Variants in HIBADH observed in about 807,000 individuals in gnomAD.
HIBADH encodes 3-hydroxyisobutyrate dehydrogenase, mitochondrial.
Under a neutral mutation model 36.1 loss-of-function variants are expected in HIBADH, and 25 were observed. That is an observed-to-expected ratio of 0.69 (90% CI 0.50 to 0.97). The LOEUF is 0.97. Ranked by LOEUF, HIBADH falls within the 50% of genes least tolerant of loss-of-function variation. The probability of loss-of-function intolerance (pLI) is 0.00; values close to 1 mark genes in which losing one functional copy is unlikely to be tolerated. For synonymous variants in HIBADH, 160 were observed against 149.5 expected, an observed-to-expected ratio of 1.07 and a Z score of -0.51; for missense variants, 421 against 418.0, an observed-to-expected ratio of 1.01 and a Z score of -0.06.
intron 7 of HIBADH, among the ~76,000 whole-genome samples, chr7:27,530,495 T>C (rs1783977842): frequency 6.6e-6 from 1 of 152,084 alleles, no homozygotes; most frequent in Non-Finnish European, 1.5e-5. Flanking sequence ...GCATGAGCTA[T>C]CGCGCCTGGC....
intron 4 of HIBADH, among the ~76,000 whole-genome samples, chr7:27,564,963 C>G (rs144966431): frequency 6.6e-6 from 1 of 152,076 alleles, no homozygotes; most frequent in Non-Finnish European, 1.5e-5. Flanking sequence ...AAATCTGGGC[C>G]CTTGCTGATC....
At position 27,543,116 on chromosome 7, in the gene HIBADH, G is replaced by A; in HGVS notation, c.485-16C>T. ...GCTCCTACACCTGAATCATTTGGGG[G>A]TAAAGGGATAGAAGCAAAAGAATAT... On this transcript the variant is annotated splice_polypyrimidine_tract_variant and intron_variant, in intron 4 of 7. Coordinates refer to ENST00000265395, the MANE Select transcript of HIBADH (RefSeq NM_152740.4). 2 of 1,612,592 alleles carry A rather than the reference G, an allele frequency of 1.2e-6. No homozygotes were observed. Among genetic ancestry groups the A allele is most frequent in the South Asian group, 1.1e-5 (1 of 90,898 alleles).
chr7:27,559,056 G>C (rs1235398499), intron 4 of HIBADH, among the ~76,000 whole-genome samples: 1 of 152,140 alleles, frequency 6.6e-6, no homozygotes, highest in Non-Finnish European at 1.5e-5. Context: ...TGTGAGGGAA[G>C]GATCTGTTTC....
intron 4 of HIBADH, among the ~76,000 whole-genome samples, chr7:27,549,115 T>C (rs974883): frequency 0.8 from 121,140 of 152,036 alleles, 48,701 homozygotes; most frequent in East Asian, 0.97. Flanking sequence ...CTCTTCACAA[T>C]CAATGTGGGT....
At chr7:27,624,271 A>G (rs1326168589) in intron 4 of HIBADH, among the ~76,000 whole-genome samples, 1 of 152,214 alleles carries the variant, frequency 6.6e-6, no homozygotes, top group African/African-American at 2.4e-5. Context: ...AACAAGAACA[A>G]GGCTAGAGAT....
intron 4 of HIBADH, among the ~76,000 whole-genome samples, chr7:27,574,325 T>C (rs982966475): frequency 2.0e-5 from 3 of 151,540 alleles, no homozygotes; most frequent in South Asian, 2.1e-4. Flanking sequence ...AAGGATAGGA[T>C]AGGAGGGGCT....
At chr7:27,636,276 A>T (rs1186482855) in intron 2 of HIBADH, among the ~76,000 whole-genome samples, 1 of 152,244 alleles carries the variant, frequency 6.6e-6, no homozygotes, top group African/African-American at 2.4e-5. Context: ...GGGTAACAGA[A>T]ATTTATAAAG....
intron 4 of HIBADH, among the ~76,000 whole-genome samples, chr7:27,602,362 A>AGG (rs1390580012): frequency 6.6e-6 from 1 of 152,180 alleles, no homozygotes; most frequent in Non-Finnish European, 1.5e-5. Context: ...CTTATTGATA[A>AGG]GGCTGTGTGC....
At chr7:27,629,320 C>T (rs934953985) in intron 4 of HIBADH, 51 bp downstream of exon 4, 2 of 1,561,270 alleles carry the variant, frequency 1.3e-6, no homozygotes, top group South Asian at 1.2e-5. Context: ...ACCATAATTG[C>T]TACTTTTGAC....
chr7:27,621,088 T>C (rs183824642), intron 4 of HIBADH, among the ~76,000 whole-genome samples: 1 of 136,480 alleles, frequency 7.3e-6, no homozygotes, highest in African/African-American at 2.9e-5. Context: ...TATACTTACA[T>C]CAAACAGACT....
intron 4 of HIBADH, among the ~76,000 whole-genome samples, chr7:27,552,394 T>A (rs1461930139): frequency 6.6e-6 from 1 of 152,236 alleles, no homozygotes; most frequent in Admixed American, 6.5e-5. Flanking sequence ...TGGAGTCAGA[T>A]AAACAAAGTT....
chr7:27,618,117 G>A (rs544942635), intron 4 of HIBADH, among the ~76,000 whole-genome samples: 77 of 152,282 alleles, frequency 5.1e-4, no homozygotes, highest in African/African-American at 1.7e-3. Flanking sequence ...TCTCCTACTG[G>A]TGGAGCAGCC....
rs551103145 is a variant in HIBADH, at chr7:27,571,497, C to CT, written c.485-28398dup. ...GCCTCAGCCACCCAAAGTGCTGGGA[C>CT]TACAGGCATGAGCCACTGCTCCAGG... On this transcript the variant is annotated intron_variant, in intron 4 of 7. Transcript: ENST00000265395. Among the ~76,000 whole-genome samples, 77 of 152,216 alleles carry CT rather than the reference C, an allele frequency of 5.1e-4. No homozygotes were observed. The South Asian group carries it at 0.016, about 31-fold the overall frequency.
At chr7:27,616,009 A>G (rs1388331133) in intron 4 of HIBADH, among the ~76,000 whole-genome samples, 1 of 152,190 alleles carries the variant, frequency 6.6e-6, no homozygotes, top group Non-Finnish European at 1.5e-5. Context: ...ATTTATAAAG[A>G]ATAGAGGTTT....
At chr7:27,641,922 G>A (rs953331730) in intron 2 of HIBADH, among the ~76,000 whole-genome samples, 1 of 136,206 alleles carries the variant, frequency 7.3e-6, no homozygotes, top group African/African-American at 3.1e-5. Context: ...AGATGCTTAA[G>A]AGAATGAGAG....
At chr7:27,546,954 C>G (rs1035237834) in intron 4 of HIBADH, among the ~76,000 whole-genome samples, 3 of 152,128 alleles carry the variant, frequency 2.0e-5, no homozygotes, top group African/African-American at 7.2e-5. Flanking sequence ...GTCTGTTCTC[C>G]ATATAGCAGC....
chr7:27,654,140 C>G (rs1562661626), intron 1 of HIBADH, among the ~76,000 whole-genome samples: 1 of 151,438 alleles, frequency 6.6e-6, no homozygotes, highest in Non-Finnish European at 1.5e-5. Context: ...GAGTAGATAC[C>G]AAAGGAAAGA....
intron 4 of HIBADH, among the ~76,000 whole-genome samples, chr7:27,606,844 G>T (rs1785236600): frequency 6.6e-6 from 1 of 152,148 alleles, no homozygotes; most frequent in South Asian, 2.1e-4. Flanking sequence ...TCCCACTTTG[G>T]ATAGTTACAA....
In HIBADH at chr7:27,557,036, A is replaced by G. The variant is rs190484069; in HGVS notation, c.485-13936T>C. 1.3e-3 allele frequency among the ~76,000 whole-genome samples: 195 copies of G among 152,134 alleles called. 1 individual carries two copies. Among genetic ancestry groups the G allele is most frequent in the Admixed American group, 1.2e-3 (19 of 15,278 alleles). On this transcript the variant is annotated intron_variant, in intron 4 of 7. Coordinates refer to ENST00000265395, the MANE Select transcript of HIBADH (RefSeq NM_152740.4). Reference sequence around the variant, plus strand: ...ATGCCTGTGGTCCTAGCTACTCAGGAGGCTGAGGCAGGAGGATCACTTGAG... The same window carrying G: ...ATGCCTGTGGTCCTAGCTACTCAGGGGGCTGAGGCAGGAGGATCACTTGAG...
Sources: allele counts gnomAD v4.1 joint callset (sites outside exome capture counted in the v4.1 genomes callset), GRCh38; gene constraint gnomAD v4.1.1; transcripts MANE v1.5; gene names NCBI Gene and HGNC (gene_info 2026-07-23, HGNC 2026-07-21).